SPAG16: variants seen among roughly 807,000 people sequenced by gnomAD.
SPAG16 encodes the protein sperm associated antigen 16, also known as sperm-associated antigen 16 protein.
A neutral mutation model predicts 80.4 loss-of-function variants in SPAG16; 86 were observed. The ratio of observed to expected loss-of-function variants is 1.07; its 90% CI spans 0.90 to 1.28. The LOEUF (loss-of-function observed/expected upper bound fraction) is 1.28, where lower values mean the gene tolerates loss of function less well. SPAG16 is among the 50% of genes most tolerant of loss of function. SPAG16 has a pLI of 0.00. For missense variants in SPAG16, 870 were observed against 765.3 expected (o/e 1.14, Z -1.61); for synonymous variants, 294 against 265.9 (o/e 1.11, Z -1.03).
chr2:213,293,770 T>G (rs929889998), intron 1 of SPAG16, among the ~76,000 whole-genome samples: 1 of 152,230 alleles, frequency 6.6e-6, no homozygotes, highest in East Asian at 1.9e-4. Context: ...AAATGCTTAT[T>G]GTTCCTTTTT....
At chr2:214,339,426 G>A (rs1697512930) in intron 15 of SPAG16, among the ~76,000 whole-genome samples, 1 of 152,110 alleles carries the variant, frequency 6.6e-6, no homozygotes, top group South Asian at 2.1e-4. Flanking sequence ...ACTTAGGCTG[G>A]ATGGGCCACC....
chr2:213,520,086 AAG>A (rs35798649), intron 10 of SPAG16, among the ~76,000 whole-genome samples: 185 of 147,832 alleles, frequency 1.3e-3, no homozygotes, highest in Admixed American at 1.1e-3. Flanking sequence ...GAGCAAGAGC[AAG>A]AGAGAGAGAG....
intron 13 of SPAG16, among the ~76,000 whole-genome samples, chr2:214,052,650 A>G (rs1480411616): frequency 6.6e-6 from 1 of 152,176 alleles, no homozygotes; most frequent in African/African-American, 2.4e-5. Flanking sequence ...AAGAAAAGCT[A>G]TTTTTAAAAT....
At chr2:213,666,721 T>G (rs1024427319) in intron 10 of SPAG16, among the ~76,000 whole-genome samples, 4 of 152,086 alleles carry the variant, frequency 2.6e-5, no homozygotes, top group African/African-American at 7.2e-5. Context: ...TAAAAGAGGG[T>G]TTGATTCAGT....
At chr2:213,911,413 G>A in intron 11 of SPAG16, among the ~76,000 whole-genome samples, 1 of 152,162 alleles carries the variant, frequency 6.6e-6, no homozygotes, top group East Asian at 1.9e-4. Context: ...CCAAAATGCT[G>A]GGATTACAGG....
chr2:213,525,363 A>ACTG (rs1464778546), intron 10 of SPAG16, among the ~76,000 whole-genome samples: 1 of 134,702 alleles, frequency 7.4e-6, no homozygotes, highest in African/African-American at 2.9e-5. Context: ...ATCTTGGCTC[A>ACTG]CTGCAACCTC....
At chr2:213,807,291 C>T (rs1239554433) in intron 10 of SPAG16, among the ~76,000 whole-genome samples, 2 of 152,000 alleles carry the variant, frequency 1.3e-5, no homozygotes, top group East Asian at 1.9e-4. Context: ...TTCTTGTCCT[C>T]GACTCCACCT....
intron 15 of SPAG16, among the ~76,000 whole-genome samples, chr2:214,185,265 T>A (rs1226185912): frequency 6.6e-6 from 1 of 152,056 alleles, no homozygotes; most frequent in Non-Finnish European, 1.5e-5. Context: ...ATTATATGCA[T>A]AAAATGAGAC....
At chr2:213,874,357 G>T (rs1403197317) in intron 11 of SPAG16, among the ~76,000 whole-genome samples, 1 of 152,036 alleles carries the variant, frequency 6.6e-6, no homozygotes, top group Non-Finnish European at 1.5e-5. Context: ...AACACAAACT[G>T]TACAGCTGTA....
chr2:214,063,461 G>A (rs549448513), intron 13 of SPAG16, among the ~76,000 whole-genome samples: 1 of 152,188 alleles, frequency 6.6e-6, no homozygotes, highest in Non-Finnish European at 1.5e-5. Flanking sequence ...GAGAGGAGGA[G>A]CACTGTGTCT....
chr2:213,442,164 G>T (rs753902520), intron 9 of SPAG16, among the ~76,000 whole-genome samples: 2 of 147,262 alleles, frequency 1.4e-5, no homozygotes, highest in Non-Finnish European at 3.0e-5. Context: ...CAAACAAACC[G>T]AAACCACTAT....
intron 10 of SPAG16, among the ~76,000 whole-genome samples, chr2:213,611,969 A>G (rs539806601): frequency 1.3e-4 from 20 of 152,314 alleles, no homozygotes; most frequent in Admixed American, 2.6e-4. Flanking sequence ...TATGAAAACC[A>G]AGAATCAATA....
intron 5 of SPAG16, 27 bp from the exon 6 acceptor site, chr2:213,340,136 T>C (rs1210910546): frequency 6.7e-7 from 1 of 1,494,596 alleles, no homozygotes; most frequent in Non-Finnish European, 9.3e-7. Context: ...TTAGCAGTGA[T>C]TTATAAAGTT....
chr2:213,720,216 T>G (rs925757089), intron 10 of SPAG16, among the ~76,000 whole-genome samples: 3 of 151,856 alleles, frequency 2.0e-5, no homozygotes, highest in African/African-American at 7.3e-5. Flanking sequence ...GCAATAAGAT[T>G]AGGAGAAATA....
intron 10 of SPAG16, among the ~76,000 whole-genome samples, chr2:213,685,749 G>T (rs1427111419): frequency 6.6e-6 from 1 of 152,192 alleles, no homozygotes; most frequent in Non-Finnish European, 1.5e-5. Flanking sequence ...ACAAGAAAAA[G>T]ATGATAGTAG....
intron 13 of SPAG16, among the ~76,000 whole-genome samples, chr2:214,039,395 G>T (rs1224294227): frequency 3.9e-5 from 6 of 152,036 alleles, no homozygotes; most frequent in Non-Finnish European, 8.8e-5. Flanking sequence ...GGGTTGTTTG[G>T]ACTTCATGTC....
At chr2:213,958,976 T>C (rs965450758) in intron 12 of SPAG16, among the ~76,000 whole-genome samples, 1 of 152,214 alleles carries the variant, frequency 6.6e-6, no homozygotes, top group African/African-American at 2.4e-5. Flanking sequence ...TTTGTATATC[T>C]GGGAATGTCA....
At chr2:213,499,085 C>T (rs1415330485) in intron 10 of SPAG16, among the ~76,000 whole-genome samples, 1 of 152,054 alleles carries the variant, frequency 6.6e-6, no homozygotes, top group Non-Finnish European at 1.5e-5. Context: ...TAGCTCTAAC[C>T]AATTTTTTTT....
intron 14 of SPAG16, among the ~76,000 whole-genome samples, chr2:214,109,560 T>C (rs2053563372): frequency 6.6e-6 from 1 of 152,204 alleles, no homozygotes; most frequent in South Asian, 2.1e-4. Context: ...GTATCATTCT[T>C]TTAGAAAGAG....
Sources: gnomAD v4.1 joint callset for allele counts (sites outside exome capture counted in the v4.1 genomes callset) on GRCh38, gnomAD v4.1.1 for gene constraint, MANE v1.5 for transcripts, NCBI Gene and HGNC (gene_info 2026-07-23, HGNC 2026-07-21) for gene names.